PRKCE: variants seen among roughly 807,000 people sequenced by gnomAD.
The protein encoded by PRKCE is protein kinase C epsilon type.
PRKCE carries 16 observed loss-of-function variants against 85.4 expected under a neutral mutation model. The observed-to-expected ratio is 0.19, with a 90% CI of 0.13 to 0.28. The LOEUF is 0.28. Among genes scored for constraint, PRKCE ranks in the 10% least tolerant of loss-of-function variants. The probability of loss-of-function intolerance (pLI) is 1.00; values close to 1 mark genes in which losing one functional copy is unlikely to be tolerated. For missense variants in PRKCE, 573 were observed against 975.2 expected (o/e 0.59, Z 5.49); for synonymous variants, 388 against 371.5 (o/e 1.04, Z -0.51).
chr2:45,667,591 C>T (rs1675975647), intron 1 of PRKCE, among the ~76,000 whole-genome samples: 1 of 152,036 alleles, frequency 6.6e-6, no homozygotes, highest in Admixed American at 6.6e-5. Flanking sequence ...ACGCACACAC[C>T]TGTATGAACT....
At chr2:46,087,757 G>A (rs1427745708) in intron 11 of PRKCE, among the ~76,000 whole-genome samples, 3 of 152,220 alleles carry the variant, frequency 2.0e-5, no homozygotes, top group African/African-American at 4.8e-5. Flanking sequence ...GTATCACGAA[G>A]CTGTGATTGA....
chr2:45,776,708 A>G (rs767740471), intron 1 of PRKCE, among the ~76,000 whole-genome samples: 3 of 152,084 alleles, frequency 2.0e-5, no homozygotes, highest in South Asian at 2.1e-4. Flanking sequence ...CCCTCCCTCC[A>G]CCATGACACT....
At chr2:45,728,764 C>T (rs1681307554) in intron 1 of PRKCE, among the ~76,000 whole-genome samples, 1 of 152,168 alleles carries the variant, frequency 6.6e-6, no homozygotes, top group African/African-American at 2.4e-5. Context: ...AGGCCCTGTG[C>T]TGAGTGCTTT....
chr2:45,833,139 A>C (rs1394525710), intron 1 of PRKCE, among the ~76,000 whole-genome samples: 1 of 12,754 alleles, frequency 7.8e-5, no homozygotes, highest in Non-Finnish European at 1.8e-4. Context: ...GCAACATGGC[A>C]AAAAAAAAAA....
chr2:45,941,304 C>G (rs1218509199), intron 2 of PRKCE, among the ~76,000 whole-genome samples: 3 of 152,102 alleles, frequency 2.0e-5, no homozygotes, highest in African/African-American at 4.8e-5. Flanking sequence ...GTGACCAGAG[C>G]TTAGTGATCT....
intron 10 of PRKCE, among the ~76,000 whole-genome samples, chr2:46,056,708 C>T (rs996930351): frequency 2.6e-5 from 4 of 152,138 alleles, no homozygotes; most frequent in Admixed American, 6.5e-5. Flanking sequence ...TTAGATTTTG[C>T]CATCATCATG....
chr2:46,060,920 C>A (rs963395882), intron 10 of PRKCE, among the ~76,000 whole-genome samples: 1 of 151,798 alleles, frequency 6.6e-6, no homozygotes, highest in Admixed American at 6.6e-5. Flanking sequence ...CGCCACCACA[C>A]CTGGCTCATT....
At chr2:45,770,145 G>C (rs1032860922) in intron 1 of PRKCE, among the ~76,000 whole-genome samples, 14 of 152,324 alleles carry the variant, frequency 9.2e-5, no homozygotes, top group South Asian at 8.3e-4. Flanking sequence ...TATTGGAGTA[G>C]TGTATGCTCC....
intron 6 of PRKCE, among the ~76,000 whole-genome samples, chr2:45,987,453 C>T (rs1353935964): frequency 6.6e-6 from 1 of 152,146 alleles, no homozygotes; most frequent in Non-Finnish European, 1.5e-5. Flanking sequence ...TGACCCTCTC[C>T]TTCTCCCTCT....
chr2:46,033,103 C>T (rs1707640268), intron 10 of PRKCE, among the ~76,000 whole-genome samples: 1 of 152,176 alleles, frequency 6.6e-6, no homozygotes, highest in African/African-American at 2.4e-5. Flanking sequence ...GACGCAATGA[C>T]AAGAAGTCAA....
At chr2:46,040,826 C>T (rs1368162303) in intron 10 of PRKCE, among the ~76,000 whole-genome samples, 3 of 152,216 alleles carry the variant, frequency 2.0e-5, no homozygotes, top group Non-Finnish European at 2.9e-5. Flanking sequence ...CCCTCCCTTT[C>T]CCTTAATTCT....
rs137941330 is a variant in PRKCE at position 45,681,999 on chromosome 2, C to G, written c.348+29551C>G. 1.8e-3 allele frequency among the ~76,000 whole-genome samples: 271 copies of G among 152,300 alleles called. 4 individuals carry two copies. The East Asian group carries it at 0.04, about 22-fold the overall frequency. ...TTCTCCTCGCCATTCAAATTCTTCA[C>G]CAGTGCTCTTTATGGGCAGTAAACT... is the stretch of plus-strand genomic sequence containing the variant. On this transcript the variant is annotated intron_variant, in intron 1 of 14. Transcript: ENST00000306156.
intron 1 of PRKCE, among the ~76,000 whole-genome samples, chr2:45,812,689 G>A (rs1487752209): frequency 1.3e-5 from 2 of 152,168 alleles, no homozygotes; most frequent in South Asian, 4.1e-4. Context: ...TGGTAACAGT[G>A]GTATCTACTT....
chr2:45,781,055 G>C (rs534159277), intron 1 of PRKCE, among the ~76,000 whole-genome samples: 1 of 152,246 alleles, frequency 6.6e-6, no homozygotes, highest in Non-Finnish European at 1.5e-5. Context: ...TGACTAGGCC[G>C]GGCATAGTGG....
chr2:45,694,080 G>A (rs1299103761), intron 1 of PRKCE, among the ~76,000 whole-genome samples: 1 of 151,490 alleles, frequency 6.6e-6, no homozygotes, highest in African/African-American at 2.4e-5. Flanking sequence ...ATTTATTTCT[G>A]CTGTATCCTA....
intron 1 of PRKCE, among the ~76,000 whole-genome samples, chr2:45,767,585 A>C (rs960601611): frequency 6.6e-6 from 1 of 152,242 alleles, no homozygotes; most frequent in Non-Finnish European, 1.5e-5. Context: ...GAATTTTGTA[A>C]TCTAGCACAC....
intron 10 of PRKCE, among the ~76,000 whole-genome samples, chr2:46,060,111 T>C (rs1266780874): frequency 2.0e-5 from 3 of 152,196 alleles, no homozygotes; most frequent in Non-Finnish European, 4.4e-5. Flanking sequence ...CAATGTGAAT[T>C]ATTCTGTATT....
At chr2:46,033,324 G>C (rs551025242) in intron 10 of PRKCE, among the ~76,000 whole-genome samples, 16 of 152,304 alleles carry the variant, frequency 1.1e-4, no homozygotes, top group Admixed American at 9.8e-4. Context: ...CACAGTGGGT[G>C]GTTTCCTTGG....
At chr2:45,832,228 G>A (rs1420012665) in intron 1 of PRKCE, among the ~76,000 whole-genome samples, 1 of 152,124 alleles carries the variant, frequency 6.6e-6, no homozygotes, top group East Asian at 1.9e-4. Flanking sequence ...CTATTTTGCT[G>A]TGGGTTTAGT....
Sources: gnomAD v4.1 joint callset for allele counts (sites outside exome capture counted in the v4.1 genomes callset) on GRCh38, gnomAD v4.1.1 for gene constraint, MANE v1.5 for transcripts, NCBI Gene and HGNC (gene_info 2026-07-23, HGNC 2026-07-21) for gene names.